The following ANKRD30B variants were observed in gnomAD, a reference collection of about 807,000 sequenced individuals.
The protein encoded by ANKRD30B is ankyrin repeat domain-containing protein 30B.
A neutral mutation model predicts 202.2 loss-of-function variants in ANKRD30B; 144 were observed. The ratio of observed to expected loss-of-function variants is 0.71; its 90% CI spans 0.62 to 0.82. The LOEUF is 0.82. Among genes scored for constraint, ANKRD30B ranks in the 40% least tolerant of loss-of-function variants. The probability of loss-of-function intolerance (pLI) is 0.00; values close to 1 mark genes in which losing one functional copy is unlikely to be tolerated. For synonymous variants in ANKRD30B, 508 were observed against 561.3 expected, an observed-to-expected ratio of 0.91 and a Z score of 1.34; for missense variants, 1,487 against 1,669.1, an observed-to-expected ratio of 0.89 and a Z score of 1.90.
intron 36 of ANKRD30B, among the ~76,000 whole-genome samples, chr18:14,839,483 C>T (rs563339161): frequency 6.6e-6 from 1 of 152,136 alleles, no homozygotes; most frequent in Admixed American, 6.5e-5. Context: ...AGTGGGGTAA[C>T]CACCAATGTC....
In ANKRD30B at chr18:14,748,261, A is replaced by G; in HGVS notation, c.-159A>G. ...TGTTCAAGAGCTTGGCGATACAGAA[A>G]TTTCTGCTGGTGTTGGGGCGGGTGC... is the stretch of plus-strand genomic sequence containing the variant. On this transcript the variant is annotated 5_prime_UTR_variant, in exon 1 of 44. Coordinates refer to ENST00000690538, the MANE Select transcript of ANKRD30B (RefSeq NM_001367607.2). 1.7e-6 allele frequency: 1 copy of G among 572,122 alleles called. No individual in the cohort carries two copies. Among genetic ancestry groups the G allele is most frequent in the Non-Finnish European group, 3.0e-6 (1 of 333,456 alleles). 35.4% of individuals were successfully genotyped at this position (572,122 alleles called of 1,614,324 possible).
chr18:14,846,948 T>C (rs1971662674), intron 39 of ANKRD30B, among the ~76,000 whole-genome samples: 1 of 151,366 alleles, frequency 6.6e-6, no homozygotes, highest in African/African-American at 2.4e-5. Context: ...AAGTTGTCTG[T>C]CACCATGCTG....
chr18:14,918,970 T>C, the ANKRD30B span, among the ~76,000 whole-genome samples: 1 of 152,190 alleles, frequency 6.6e-6, no homozygotes, highest in African/African-American at 2.4e-5. Context: ...GCTTCTGCCA[T>C]GTGATGACAC....
At position 14,854,492 on chromosome 18, in the gene ANKRD30B, T is replaced by G. The variant is rs1030357790; in HGVS notation, c.*334T>G. On this transcript the variant is annotated 3_prime_UTR_variant, in exon 44 of 44. Coordinates refer to ENST00000690538, the MANE Select transcript of ANKRD30B (RefSeq NM_001367607.2). ...TTGCTCCAGAAATGAATCCTTATCA[T>G]GAATCCCTGACACGTTCAGTGTTTT... Among the ~76,000 whole-genome samples the G allele has an allele frequency of 6.6e-6, 1 of 152,188 alleles. No individual in the cohort carries two copies. Among genetic ancestry groups the G allele is most frequent in the Non-Finnish European group, 1.5e-5 (1 of 68,038 alleles).
At chr18:14,843,736 G>A (rs1391101400) in intron 39 of ANKRD30B, among the ~76,000 whole-genome samples, 4 of 152,182 alleles carry the variant, frequency 2.6e-5, no homozygotes, top group South Asian at 2.1e-4. Context: ...GGAGCTTGCA[G>A]TGAGCCGAGA....
At chr18:14,785,995 G>A (rs1332619094) in intron 14 of ANKRD30B, among the ~76,000 whole-genome samples, 2 of 136,566 alleles carry the variant, frequency 1.5e-5, no homozygotes, top group South Asian at 2.3e-4. Flanking sequence ...CCGAGATTGC[G>A]CCACTGCAGT....
chr18:14,859,225 A>G (rs1185153975), downstream of ANKRD30B, among the ~76,000 whole-genome samples: 16 of 21,630 alleles, frequency 7.4e-4, no homozygotes, highest in South Asian at 1.9e-3. Context: ...CAGCTGGGCA[A>G]AGGCGCTCCT....
rs1292833877 is a variant in ANKRD30B at position 14,854,391 on chromosome 18, T to C, written c.*233T>C. Among the ~76,000 whole-genome samples, 1 of 152,194 alleles carries C rather than the reference T, an allele frequency of 6.6e-6. No individual in the cohort carries two copies. Among genetic ancestry groups the C allele is most frequent in the Non-Finnish European group, 1.5e-5 (1 of 68,036 alleles). Reference sequence around the variant, plus strand: ...GCATAGTGCAGAGATGTCCTGGCAGTGCTTCTGGTGTGTGGGATGGGGGTA... The same window carrying C: ...GCATAGTGCAGAGATGTCCTGGCAGCGCTTCTGGTGTGTGGGATGGGGGTA... On this transcript the variant is annotated 3_prime_UTR_variant, in exon 44 of 44. Transcript: ENST00000690538.
chr18:14,785,900 C>T (rs1279291230), intron 14 of ANKRD30B, among the ~76,000 whole-genome samples: 2 of 151,666 alleles, frequency 1.3e-5, no homozygotes, highest in Non-Finnish European at 2.9e-5. Flanking sequence ...TAGCCGGGTG[C>T]GGTGGCGGGC....
At chr18:14,851,478 G>T (rs1374207403) in intron 41 of ANKRD30B, 31 bp from the exon 42 acceptor site, 1 of 1,477,906 alleles carries the variant, frequency 6.8e-7, no homozygotes. Flanking sequence ...TTTATTGAGT[G>T]CTAGTTAAAT....
intron 3 of ANKRD30B, among the ~76,000 whole-genome samples, chr18:14,754,133 T>A (rs1294743087): frequency 1.3e-5 from 2 of 152,166 alleles, no homozygotes; most frequent in Admixed American, 1.3e-4. Context: ...CAAAGTTCAT[T>A]TGAAGCCAAT....
chr18:14,792,419 C>T (rs1281138919), intron 16 of ANKRD30B, among the ~76,000 whole-genome samples: 1 of 151,940 alleles, frequency 6.6e-6, no homozygotes, highest in Non-Finnish European at 1.5e-5. Context: ...GAAGATACTA[C>T]TGCTAAACAA....
At position 14,748,474 on chromosome 18, in the gene ANKRD30B, A is replaced by C; in HGVS notation, c.55A>C (p.Asn19His). 14 of 1,545,532 alleles carry C rather than the reference A, an allele frequency of 9.1e-6. No individual in the cohort carries two copies. Among genetic ancestry groups the C allele is most frequent in the African/African-American group, 1.4e-5 (1 of 72,928 alleles). Residue 19 changes from asparagine (N) to histidine (H), a missense_variant, in exon 1 of 44, where the codon AAC (asparagine) becomes CAC (histidine). By Grantham distance (68) the Asn-to-His change is moderately conservative. This residue lies in a region of ANKRD30B where 889 missense variants were observed against 841.4 expected (regional missense o/e 1.06). Coordinates refer to ENST00000690538, the MANE Select transcript of ANKRD30B (RefSeq NM_001367607.2). ...GGGCGTGCGGGGCCCGGAGCCCCCG[A>C]ACCCCTTCAGCGAACGGGTCTACAC... Reference protein sequence around the residue: ...GKGVRGPEPPNPFSERVYTEK... With the variant: ...GKGVRGPEPPHPFSERVYTEK...
chr18:14,916,532 A>T, the ANKRD30B span, among the ~76,000 whole-genome samples: 1 of 152,176 alleles, frequency 6.6e-6, no homozygotes, highest in Non-Finnish European at 1.5e-5. Context: ...GCTTCTCTCT[A>T]ACCCTGTATT....
intron 1 of ANKRD30B, among the ~76,000 whole-genome samples, chr18:14,749,596 G>C (rs1287557441): frequency 7.0e-6 from 1 of 141,910 alleles, no homozygotes; most frequent in Non-Finnish European, 1.5e-5. Flanking sequence ...GCTTCAACCT[G>C]GTAGGTGGAG....
In ANKRD30B at chr18:14,814,642, C is replaced by T. The variant is rs775033230; in HGVS notation, c.2572C>T (p.Gln858Ter). The T allele has an allele frequency of 5.9e-6, 7 of 1,176,612 alleles. No individual in the cohort carries two copies. The Admixed American group carries it at 1.2e-4, about 21-fold the overall frequency. 72.9% of individuals were successfully genotyped at this position (1,176,612 alleles called of 1,614,324 possible). The change falls in exon 30 of 44, where the codon CAG becomes TAG. Residue 858 changes from glutamine (Q) to a stop codon, truncating the protein, a stop_gained. Transcript: ENST00000690538. LOFTEE classifies it high-confidence loss of function. ...DFESFLEALL[Q>*]NDGCLPKATH... is the part of the protein sequence containing the mutation. ...ACAGAGTTTCCTTGAGGCTCTCTTA[C>T]AGAATGATGGGTGTTTACCCAAGGC... is the stretch of plus-strand genomic sequence containing the variant.
Position 14,851,960 on chromosome 18 carries a change from G to A in ANKRD30B, c.4016G>A (p.Ser1339Asn). ...PLQGIMNVDV[S>N]NTIYNNEVLH... ...CAAGGAATAATGAATGTTGATGTGA[G>A]TAATACAATATATAACAATGAGGTG... The change falls in exon 42 of 44, where the codon AGT becomes AAT. Residue 1339 changes from serine to asparagine, a missense_variant. Ser to Asn is a conservative substitution (Grantham distance 46, BLOSUM62 1). This residue lies in a region of ANKRD30B where 182 missense variants were observed against 216.0 expected (regional missense o/e 0.84). Coordinates refer to ENST00000690538, the MANE Select transcript of ANKRD30B (RefSeq NM_001367607.2). 1 of 1,602,662 alleles carries A rather than the reference G, an allele frequency of 6.2e-7. No individual in the cohort carries two copies. Among genetic ancestry groups the A allele is most frequent in the Non-Finnish European group, 8.5e-7 (1 of 1,173,544 alleles).
At chr18:14,886,181 C>T in the ANKRD30B span, among the ~76,000 whole-genome samples, 8 of 151,660 alleles carry the variant, frequency 5.3e-5, no homozygotes, top group Non-Finnish European at 2.9e-5. Flanking sequence ...ATACAGAAGA[C>T]CATTAGCTAA....
the ANKRD30B span, among the ~76,000 whole-genome samples, chr18:14,863,619 A>T: frequency 3.4e-4 from 51 of 152,216 alleles, no homozygotes; most frequent in African/African-American, 1.2e-3. Context: ...TGTAATAAAA[A>T]TATTTATCAG....
Sources: gnomAD v4.1 joint callset for allele counts (sites outside exome capture counted in the v4.1 genomes callset) on GRCh38, gnomAD v4.1.1 for gene constraint, gnomAD v4.1.1 regional missense constraint, MANE v1.5 for transcripts, NCBI Gene and HGNC (gene_info 2026-07-23, HGNC 2026-07-21) for gene names.